TLN2: variants seen among roughly 807,000 people sequenced by gnomAD.
TLN2 encodes the protein talin-2.
Under a neutral mutation model 294.7 loss-of-function variants are expected in TLN2, and 118 were observed. That is an observed-to-expected ratio of 0.40 (90% confidence interval 0.34 to 0.47). TLN2 has a LOEUF of 0.47. Among genes scored for constraint, TLN2 ranks in the 20% least tolerant of loss-of-function variants. The pLI is 0.84. For missense variants in TLN2, 3,083 were observed against 3,282.2 expected (o/e 0.94, Z 1.48); for synonymous variants, 1,431 against 1,304.5 (o/e 1.10, Z -2.09).
chr15:62,647,476 A>G (rs1215606014), intron 4 of TLN2, 30 bp downstream of exon 4: 1 of 1,613,054 alleles, frequency 6.2e-7, no homozygotes, highest in African/African-American at 1.3e-5. Context: ...CTGGCTTCTT[A>G]AAACGTGTTT....
chr15:62,679,987 C>T (rs1444674721), intron 11 of TLN2, among the ~76,000 whole-genome samples: 1 of 152,214 alleles, frequency 6.6e-6, no homozygotes, highest in Non-Finnish European at 1.5e-5. Flanking sequence ...TAGTTCAGCA[C>T]ATCTATATGG....
At chr15:62,703,622 C>T (rs560603193) in intron 19 of TLN2, among the ~76,000 whole-genome samples, 1,030 of 59,766 alleles carry the variant, frequency 0.017, 4 homozygotes, top group Non-Finnish European at 0.029. Flanking sequence ...CACACACACA[C>T]GCGCGCACAC....
intron 38 of TLN2, 105 bp from the exon 39 acceptor site, chr15:62,762,167 A>T: frequency 7.6e-7 from 1 of 1,315,316 alleles, no homozygotes; most frequent in Non-Finnish European, 1.1e-6. Flanking sequence ...TGTCTCCTTC[A>T]AAGGGCAGAG....
intron 1 of TLN2, among the ~76,000 whole-genome samples, chr15:62,574,168 A>G (rs1425950787): frequency 6.8e-6 from 1 of 147,874 alleles, no homozygotes; most frequent in Non-Finnish European, 1.5e-5. Context: ...AGGGACTGTC[A>G]CTTCATTTTT....
At chr15:62,682,157 T>G (rs1000541977) in intron 11 of TLN2, among the ~76,000 whole-genome samples, 15 of 152,256 alleles carry the variant, frequency 9.9e-5, no homozygotes, top group African/African-American at 3.6e-4. Context: ...CCAATCATGC[T>G]ACTCAACTTT....
At chr15:62,756,405 A>C (rs900321037) in intron 37 of TLN2, among the ~76,000 whole-genome samples, 68 of 152,290 alleles carry the variant, frequency 4.5e-4, no homozygotes, top group African/African-American at 1.5e-3. Flanking sequence ...AGCTAGGACC[A>C]AGCAGGCAGC....
intron 1 of TLN2, among the ~76,000 whole-genome samples, chr15:62,549,192 C>T (rs1485122608): frequency 6.6e-6 from 1 of 152,174 alleles, no homozygotes; most frequent in Admixed American, 6.5e-5. Flanking sequence ...GTAGGGCTCC[C>T]TGAGAGCCAT....
chr15:62,640,625 G>A (rs1009603371), intron 3 of TLN2, among the ~76,000 whole-genome samples: 3 of 152,090 alleles, frequency 2.0e-5, no homozygotes, highest in Admixed American at 2.0e-4. Flanking sequence ...GAATTCTTAG[G>A]TTGGGGGAAC....
intron 1 of TLN2, among the ~76,000 whole-genome samples, chr15:62,587,805 A>G (rs183596437): frequency 5.3e-5 from 8 of 152,336 alleles, no homozygotes; most frequent in Admixed American, 4.6e-4. Flanking sequence ...GAAAGTGCCT[A>G]TAACATTGGT....
At chr15:62,780,751 T>C (rs2064095462) in intron 43 of TLN2, among the ~76,000 whole-genome samples, 1 of 152,186 alleles carries the variant, frequency 6.6e-6, no homozygotes, top group Non-Finnish European at 1.5e-5. Context: ...TCCCACCTCA[T>C]CTTCTGGCAC....
intron 2 of TLN2, among the ~76,000 whole-genome samples, chr15:62,600,357 C>T (rs114376067): frequency 0.015 from 2,226 of 152,186 alleles, 60 homozygotes; most frequent in African/African-American, 0.051. Flanking sequence ...CAAAATTGTT[C>T]GTGAATACCC....
Position 62,651,833 on chromosome 15 carries a change from A to G in TLN2, c.235-172A>G, listed in dbSNP as rs1190663591. ...GGTCTGTACTATCTCTAAAAGACGTAGTGGCAACAATCCCCTGAAAACTTT... is the reference window on the plus strand; with the variant it reads ...GGTCTGTACTATCTCTAAAAGACGTGGTGGCAACAATCCCCTGAAAACTTT... On this transcript the variant is annotated intron_variant, in intron 5 of 58. Coordinates refer to ENST00000636159, the MANE Select transcript of TLN2 (RefSeq NM_015059.3). Among the ~76,000 whole-genome samples the G allele has an allele frequency of 2.6e-5, 4 of 152,200 alleles. No homozygotes were observed. In the East Asian group the frequency reaches 7.7e-4, roughly 29 times the overall value.
intron 12 of TLN2, among the ~76,000 whole-genome samples, chr15:62,690,990 AGAGGGAGACCGTGGAAAGAGAGGGG>A (rs1247674395): frequency 1.5e-5 from 2 of 134,832 alleles, no homozygotes; most frequent in Admixed American, 7.9e-5. Context: ...GCTCGGCATC[AGAGGGAGACCGTGGAAAGAGAGGGG>A]GAGGGAGACC....
chr15:62,714,189 G>GTTTTTTTTTTTTTTTTTTTTTT (rs5813163), intron 22 of TLN2, among the ~76,000 whole-genome samples: 1 of 96,392 alleles, frequency 1.0e-5, no homozygotes, highest in African/African-American at 3.8e-5. Flanking sequence ...CAATGTGCAC[G>GTTTTTTTTTTTTTTTTTTTTTT]TTTTTTTTTT....
chr15:62,717,511 T>C, intron 23 of TLN2, 65 bp from the exon 24 acceptor site: 9 of 1,128,040 alleles, frequency 8.0e-6, no homozygotes, highest in Non-Finnish European at 1.1e-5. Context: ...GTGGTGGAAG[T>C]GACCTGTAGA....
intron 37 of TLN2, among the ~76,000 whole-genome samples, chr15:62,760,804 G>T (rs943494186): frequency 6.6e-6 from 1 of 151,060 alleles, no homozygotes; most frequent in African/African-American, 2.4e-5. Flanking sequence ...TTTTGTTTTT[G>T]TTTTTTTTTA....
At chr15:62,813,488 G>A (rs1029889491) in intron 52 of TLN2, among the ~76,000 whole-genome samples, 2 of 152,104 alleles carry the variant, frequency 1.3e-5, no homozygotes, top group Admixed American at 6.5e-5. Context: ...CATCTTTTGC[G>A]ATAAGGATTT....
At chr15:62,537,365 A>G (rs564459133) in intron 1 of TLN2, among the ~76,000 whole-genome samples, 29 of 152,240 alleles carry the variant, frequency 1.9e-4, no homozygotes, top group African/African-American at 7.0e-4. Flanking sequence ...TGTTCAAGGA[A>G]AACCTTCACC....
rs762960652 is a variant in TLN2, at chr15:62,707,226, C to T, written c.2145C>T (p.Ser715=). Reference sequence around the variant, plus strand: ...CTGCTGCCACCCAGTGTGCCCTCTCCACCTCCCAGCTTGTGGCATGTGCCA... The same window carrying T: ...CTGCTGCCACCCAGTGTGCCCTCTCTACCTCCCAGCTTGTGGCATGTGCCA... The part of the protein sequence containing the change: ...VIAAATQCAL[S]TSQLVACAKV... Residue 715 remains serine, a synonymous_variant, in exon 20 of 59, where the codon TCC becomes TCT. Transcript: ENST00000636159. 7 of 1,612,814 alleles carry T rather than the reference C, an allele frequency of 4.3e-6. No individual in the cohort carries two copies. The African/African-American group carries it at 5.3e-5, about 12-fold the overall frequency.
Sources: gnomAD v4.1 joint callset for allele counts (sites outside exome capture counted in the v4.1 genomes callset) on GRCh38, gnomAD v4.1.1 for gene constraint, MANE v1.5 for transcripts, NCBI Gene and HGNC (gene_info 2026-07-23, HGNC 2026-07-21) for gene names.